ST13: variants seen among roughly 807,000 people sequenced by gnomAD.
ST13 encodes hsc70-interacting protein.
In ST13, 23 loss-of-function variants were observed where a neutral mutation model predicts 56.7. The observed-to-expected ratio is 0.41, with a 90% confidence interval of 0.29 to 0.57. The LOEUF is 0.57. Ranked by LOEUF, ST13 falls within the 20% of genes least tolerant of loss-of-function variation. The pLI is 0.36. For synonymous variants in ST13, 132 were observed against 142.4 expected (o/e 0.93, Z 0.52); for missense variants, 369 against 459.9 (o/e 0.80, Z 1.81).
chr22:40,838,816 G>C (rs536821871), intron 5 of ST13, among the ~76,000 whole-genome samples: 1 of 151,926 alleles, frequency 6.6e-6, no homozygotes, highest in East Asian at 1.9e-4. Context: ...AAAAGGAATG[G>C]TACAGAAGAG....
Position 40,825,327 on chromosome 22 carries a change from CTGTG to C in ST13, c.*1207_*1210del, listed in dbSNP as rs757366972. The C allele has an allele frequency of 8.5e-5, 13 of 152,270 alleles. No individual in the cohort carries two copies. Among genetic ancestry groups the C allele is most frequent in the Middle Eastern group, 3.4e-3 (1 of 294 alleles). 9.4% of individuals were successfully genotyped at this position (152,270 alleles called of 1,614,324 possible). On this transcript the variant is annotated 3_prime_UTR_variant, in exon 12 of 12. Coordinates refer to ENST00000216218, the MANE Select transcript of ST13 (RefSeq NM_003932.5). ...TTGGATAAAAAAAATCGGTTCCCCTCTGTGTGTATCAATTTAATTCAAACCTTAT... is the reference window on the plus strand; with the variant it reads ...TTGGATAAAAAAAATCGGTTCCCCTCTGTATCAATTTAATTCAAACCTTAT...
chr22:40,840,592 A>T (rs1319242038), intron 5 of ST13, 34 bp downstream of exon 5: 1 of 1,581,518 alleles, frequency 6.3e-7, no homozygotes, highest in Non-Finnish European at 8.7e-7. Flanking sequence ...AAATATTCTG[A>T]CTACCATAGA....
chr22:40,829,156 G>A (rs1602648555), intron 10 of ST13, among the ~76,000 whole-genome samples: 1 of 152,154 alleles, frequency 6.6e-6, no homozygotes, highest in Non-Finnish European at 1.5e-5. Flanking sequence ...ATGCAACTAA[G>A]TTCTAACCAG....
At chr22:40,849,532 A>G (rs147518070) in intron 2 of ST13, among the ~76,000 whole-genome samples, 93 of 152,018 alleles carry the variant, frequency 6.1e-4, no homozygotes, top group Middle Eastern at 6.8e-3. Flanking sequence ...CCTTGTCACA[A>G]AATATTTGTT....
In ST13 at chr22:40,837,175, A is replaced by C. The variant is rs572336587; in HGVS notation, c.383-1288T>G. ...ATACTTAGCCAGTTAGCGAATGAGTAAAGGACTTGAAAAGAACTCACAAAA... is the reference window on the plus strand; with the variant it reads ...ATACTTAGCCAGTTAGCGAATGAGTCAAGGACTTGAAAAGAACTCACAAAA... On this transcript the variant is annotated intron_variant, in intron 5 of 11. Coordinates refer to ENST00000216218, the MANE Select transcript of ST13 (RefSeq NM_003932.5). Among the ~76,000 whole-genome samples the C allele has an allele frequency of 9.2e-5, 14 of 152,382 alleles. No individual in the cohort carries two copies. The South Asian group carries it at 2.9e-3, about 32-fold the overall frequency.
intron 3 of ST13, among the ~76,000 whole-genome samples, chr22:40,846,704 T>G (rs2057833073): frequency 6.6e-6 from 1 of 152,150 alleles, no homozygotes; most frequent in South Asian, 2.1e-4. Context: ...AAAGATAATT[T>G]GATTCAGGCC....
At chr22:40,853,798 ACT>A (rs1395605409) in intron 1 of ST13, among the ~76,000 whole-genome samples, 1 of 152,066 alleles carries the variant, frequency 6.6e-6, no homozygotes, top group African/African-American at 2.4e-5. Flanking sequence ...AAACAAAGAC[ACT>A]CTCTTCGATC....
At chr22:40,847,273 T>C (rs545371057) in intron 3 of ST13, among the ~76,000 whole-genome samples, 35 of 74,656 alleles carry the variant, frequency 4.7e-4, no homozygotes, top group Non-Finnish European at 6.9e-4. Flanking sequence ...GTGGCTCACA[T>C]CTGTAATCCC....
intron 7 of ST13, 67 bp downstream of exon 7, chr22:40,835,493 C>T (rs1372899658): frequency 7.2e-7 from 1 of 1,387,854 alleles, no homozygotes; most frequent in East Asian, 2.3e-5. Flanking sequence ...TTTGTTTAAA[C>T]AAAGCATCTT....
chr22:40,843,643 A>G (rs892138904), intron 4 of ST13, among the ~76,000 whole-genome samples: 42 of 152,334 alleles, frequency 2.8e-4, no homozygotes, highest in African/African-American at 9.9e-4. Flanking sequence ...ATCTGCATTA[A>G]AAGATACTAT....
chr22:40,829,782 G>A, intron 9 of ST13, 108 bp from the exon 10 acceptor site: 1 of 495,874 alleles, frequency 2.0e-6, no homozygotes, highest in Admixed American at 4.0e-5. Flanking sequence ...CCTAGTAGAT[G>A]GCAATACTGA....
At chr22:40,852,393 G>A (rs1186364537) in intron 1 of ST13, among the ~76,000 whole-genome samples, 2 of 152,074 alleles carry the variant, frequency 1.3e-5, no homozygotes, top group Non-Finnish European at 2.9e-5. Flanking sequence ...TTCTTTATTT[G>A]AAGGTGTTGT....
intron 2 of ST13, 76 bp from the exon 3 acceptor site, chr22:40,848,445 A>T: frequency 9.5e-7 from 1 of 1,048,702 alleles, no homozygotes; most frequent in Non-Finnish European, 1.5e-6. Context: ...CTACAAATCT[A>T]TGTATAAACT....
intron 5 of ST13, among the ~76,000 whole-genome samples, chr22:40,837,290 A>G (rs967982721): frequency 3.3e-5 from 5 of 152,186 alleles, no homozygotes; most frequent in Non-Finnish European, 7.3e-5. Context: ...AACAACTCAG[A>G]CCTACCATGT....
At position 40,844,849 on chromosome 22, in the gene ST13, T is replaced by A. The variant is rs369026475; in HGVS notation, c.305A>T (p.Glu102Val). ...AGTCACCGAACTTACCTCCGCATTTTCATCTCCCATTTCTTGAGGAGCATC... is the reference window on the plus strand; with the variant it reads ...AGTCACCGAACTTACCTCCGCATTTACATCTCCCATTTCTTGAGGAGCATC... ...DTDAPQEMGD[E>V]NAEITEEMMD... The change falls in exon 4 of 12, where the codon GAA becomes GTA. Residue 102 changes from glutamate to valine, a missense_variant. By Grantham distance (121) the Glu-to-Val change is moderately radical (BLOSUM62 -2). Coordinates refer to ENST00000216218, the MANE Select transcript of ST13 (RefSeq NM_003932.5). 104 of 1,613,362 alleles carry A rather than the reference T, an allele frequency of 6.4e-5. No individual in the cohort carries two copies. The highest frequency in any genetic ancestry group is 8.5e-5 in the Non-Finnish European group (100 of 1,179,600).
chr22:40,855,862 A>G (rs1472228794), intron 1 of ST13, among the ~76,000 whole-genome samples: 1 of 145,776 alleles, frequency 6.9e-6, no homozygotes, highest in African/African-American at 2.8e-5. Flanking sequence ...GTTTGGAGTG[A>G]TAACACTGCC....
At chr22:40,849,377 C>T (rs1246819229) in intron 2 of ST13, among the ~76,000 whole-genome samples, 1 of 149,690 alleles carries the variant, frequency 6.7e-6, no homozygotes, top group Non-Finnish European at 1.5e-5. Flanking sequence ...ACTCAGGAAG[C>T]TGAGGCAGGA....
chr22:40,832,269 A>AT (rs1349328223), intron 8 of ST13: 1 of 485,666 alleles, frequency 2.1e-6, no homozygotes, highest in East Asian at 6.0e-5. Context: ...CTAATTATAG[A>AT]TTTTCTATTT....
intron 4 of ST13, among the ~76,000 whole-genome samples, chr22:40,842,608 GA>G (rs755261652): frequency 6.6e-6 from 1 of 152,114 alleles, no homozygotes; most frequent in Non-Finnish European, 1.5e-5. Flanking sequence ...CATTACCAGG[GA>G]TCCAGAATTA....
Sources: gnomAD v4.1 joint callset for allele counts (sites outside exome capture counted in the v4.1 genomes callset) on GRCh38, gnomAD v4.1.1 for gene constraint, MANE v1.5 for transcripts, NCBI Gene and HGNC (gene_info 2026-07-23, HGNC 2026-07-21) for gene names.